Variants in IRS2 observed in about 807,000 individuals in gnomAD.
IRS2 encodes the protein insulin receptor substrate 2.
In IRS2, 28 loss-of-function variants were observed where a neutral mutation model predicts 70.9. That is an observed-to-expected ratio of 0.39 (90% confidence interval 0.29 to 0.54). The LOEUF (loss-of-function observed/expected upper bound fraction) is 0.54, where lower values mean the gene tolerates loss of function less well. Among genes scored for constraint, IRS2 ranks in the 20% least tolerant of loss-of-function variants. The probability of loss-of-function intolerance (pLI) is 0.59; values close to 1 mark genes in which losing one functional copy is unlikely to be tolerated. For missense variants in IRS2, 2,081 were observed against 2,024.1 expected (o/e 1.03, Z -0.54); for synonymous variants, 1,217 against 981.9 (o/e 1.24, Z -4.48).
At chr13:109,761,595 A>C (rs538004754) in intron 1 of IRS2, among the ~76,000 whole-genome samples, 1 of 152,192 alleles carries the variant, frequency 6.6e-6, no homozygotes, top group African/African-American at 2.4e-5. Context: ...ACATGAAAAA[A>C]AAAAAAAGGT....
intron 1 of IRS2, among the ~76,000 whole-genome samples, chr13:109,779,625 A>G (rs1594387629): frequency 6.6e-6 from 1 of 152,160 alleles, no homozygotes; most frequent in African/African-American, 2.4e-5. Context: ...AACTTACTTT[A>G]CTAGAAACCC....
intron 1 of IRS2, among the ~76,000 whole-genome samples, chr13:109,764,803 T>C (rs556749718): frequency 1.3e-5 from 2 of 152,322 alleles, no homozygotes; most frequent in South Asian, 2.1e-4. Flanking sequence ...AAGCAGCAAA[T>C]AAACAACTGC....
intron 1 of IRS2, among the ~76,000 whole-genome samples, chr13:109,774,285 A>T (rs996515931): frequency 4.6e-5 from 7 of 152,214 alleles, no homozygotes; most frequent in African/African-American, 1.7e-4. Context: ...AGTCCCCAGA[A>T]CAGATCCATC....
Position 109,786,048 on chromosome 13 carries a change from C to G in IRS2, c.6G>C (p.Ala2=). ...CGGGCGGCCCGTGCCGCGGCGGGCT[C>G]GCCATCGCGGGCGCTTCAGGCCGCG... M[A]SPPRHGPPGP... The change falls in exon 1 of 2, where the codon GCG becomes GCC. Residue 2 remains alanine, a synonymous_variant. Coordinates refer to ENST00000375856, the MANE Select transcript of IRS2 (RefSeq NM_003749.3). The surrounding 1 kb of genome is among the most constrained non-coding windows in gnomAD (Gnocchi z 4.4). 7.9e-7 allele frequency: 1 copy of G among 1,272,276 alleles called. No homozygotes were observed. The highest frequency in any genetic ancestry group is 9.9e-7 in the Non-Finnish European group (1 of 1,013,590). 78.8% of individuals were successfully genotyped at this position (1,272,276 alleles called of 1,614,324 possible). A position where few individuals can be genotyped will look rare whatever the true frequency, so the allele number is the denominator to read the frequency against.
intron 1 of IRS2, among the ~76,000 whole-genome samples, chr13:109,772,928 C>T (rs1227689470): frequency 6.6e-6 from 1 of 152,020 alleles, no homozygotes; most frequent in African/African-American, 2.4e-5. Flanking sequence ...ATCTCCTGAC[C>T]TCATGATCCA....
In IRS2 at chr13:109,752,905, G is replaced by A. The variant is rs1359746993; in HGVS notation, c.*3399C>T. ...TGATTTTCTTCTTTGTATTCTTGAT[G>A]TATGCATCGGTATGTCTTCTTCTGT... On this transcript the variant is annotated 3_prime_UTR_variant, in exon 2 of 2. Coordinates refer to ENST00000375856, the MANE Select transcript of IRS2 (RefSeq NM_003749.3). The A allele has an allele frequency of 6.6e-6, 1 of 150,770 alleles. No individual in the cohort carries two copies. Among genetic ancestry groups the A allele is most frequent in the East Asian group, 1.9e-4 (1 of 5,148 alleles). The allele number at this position is 150,770 out of a possible 1,614,324, so 9.3% of individuals were successfully genotyped here. A position where few individuals can be genotyped will look rare whatever the true frequency, so the allele number is the denominator to read the frequency against.
At chr13:109,761,660 C>A (rs1374901476) in intron 1 of IRS2, among the ~76,000 whole-genome samples, 2 of 149,988 alleles carry the variant, frequency 1.3e-5, no homozygotes, top group Non-Finnish European at 3.0e-5. Flanking sequence ...GTTACTTGAA[C>A]TTTTCTTTTA....
At position 109,756,171 on chromosome 13, in the gene IRS2, T is replaced by C. The variant is rs1022458701; in HGVS notation, c.*133A>G. 1.3e-6 allele frequency: 1 copy of C among 797,740 alleles called. No homozygotes were observed. Among genetic ancestry groups the C allele is most frequent in the Non-Finnish European group, 2.2e-6 (1 of 454,404 alleles). The allele number at this position is 797,740 out of a possible 1,614,324, so 49.4% of individuals were successfully genotyped here. ...TGCCTCATCTAACAGAGTCCACAGA[T>C]GTTTCCAAACACAGTCATTGCTCAG... On this transcript the variant is annotated 3_prime_UTR_variant, in exon 2 of 2. Coordinates refer to ENST00000375856, the MANE Select transcript of IRS2 (RefSeq NM_003749.3).
At chr13:109,775,425 G>C (rs1220403628) in intron 1 of IRS2, among the ~76,000 whole-genome samples, 2 of 152,058 alleles carry the variant, frequency 1.3e-5, no homozygotes, top group East Asian at 3.9e-4. Context: ...ATCCAAGAAT[G>C]AATCATTCTT....
At chr13:109,760,809 T>C (rs553737659) in intron 1 of IRS2, among the ~76,000 whole-genome samples, 16 of 152,280 alleles carry the variant, frequency 1.1e-4, no homozygotes, top group East Asian at 5.8e-4. Context: ...CTAGAAAACA[T>C]TGTGATTAAG....
chr13:109,785,869 GCCGT>G lies in IRS2; in HGVS notation c.181_184del (p.Thr61ArgfsTer31). 6.6e-7 allele frequency: 1 copy of G among 1,509,604 alleles called. No homozygotes were observed. The highest frequency in any genetic ancestry group is 8.8e-7 in the Non-Finnish European group (1 of 1,133,870). 93.5% of individuals were successfully genotyped at this position (1,509,604 alleles called of 1,614,324 possible). On this transcript the variant is annotated frameshift_variant, in exon 1 of 2. Transcript: ENST00000375856. LOFTEE classifies it high-confidence loss of function. The surrounding 1 kb of genome is among the most constrained non-coding windows in gnomAD (Gnocchi z 9.3). The stretch of plus-strand genomic sequence containing the variant: ...CGGTTGCGGCGCCGACCCCCCGCCC[GCCGT>G]CGCCTCGTCGCCGCCCGCGCCGGGT...
rs967053155 is a variant in IRS2 at position 109,754,936 on chromosome 13, G to A, written c.*1368C>T. On this transcript the variant is annotated 3_prime_UTR_variant, in exon 2 of 2. Transcript: ENST00000375856. ...ATCAGAGAAGATAGGCACTGGGGAA[G>A]CCCCCACGGGAGGAGAGGTCGACAG... 1 of 221,210 alleles carries A rather than the reference G, an allele frequency of 4.5e-6. No individual in the cohort carries two copies. Among genetic ancestry groups the A allele is most frequent in the African/African-American group, 2.2e-5 (1 of 44,636 alleles). The allele number at this position is 221,210 out of a possible 1,614,324, so 13.7% of individuals were successfully genotyped here. A position where few individuals can be genotyped will look rare whatever the true frequency, so the allele number is the denominator to read the frequency against.
At position 109,783,715 on chromosome 13, in the gene IRS2, G is replaced by T. The variant is rs199672355; in HGVS notation, c.2339C>A (p.Pro780Gln). 6.4e-7 allele frequency: 1 copy of T among 1,573,588 alleles called. No individual in the cohort carries two copies. Among genetic ancestry groups the T allele is most frequent in the South Asian group, 1.2e-5 (1 of 86,528 alleles). Residue 780 changes from proline (P) to glutamine (Q), a missense_variant, in exon 1 of 2, where the codon CCG becomes CAG. Physicochemically the swap from Pro to Gln is moderately conservative, Grantham distance 76. Transcript: ENST00000375856. ...CAGGGCTGCGGAGAAGAAGTCGGGCGGGGTGCCCGTGGTGACCGCGTCGCT... is the reference window on the plus strand; with the variant it reads ...CAGGGCTGCGGAGAAGAAGTCGGGCTGGGTGCCCGTGGTGACCGCGTCGCT... Reference protein sequence around the residue: ...SPSDAVTTGTPPDFFSAALHP... With the variant: ...SPSDAVTTGTQPDFFSAALHP...
chr13:109,777,333 T>C (rs1319147386), intron 1 of IRS2, among the ~76,000 whole-genome samples: 1 of 152,172 alleles, frequency 6.6e-6, no homozygotes, highest in African/African-American at 2.4e-5. Flanking sequence ...TAGAACTACG[T>C]TTCTAAAGAA....
chr13:109,783,905 C>G lies in IRS2; in HGVS notation c.2149G>C (p.Gly717Arg). 1.9e-6 allele frequency: 3 copies of G among 1,546,062 alleles called. No individual in the cohort carries two copies. The South Asian group carries it at 3.6e-5, about 18-fold the overall frequency. The change falls in exon 1 of 2, where the codon GGC becomes CGC. Residue 717 changes from glycine to arginine, a missense_variant. Gly to Arg is a moderately radical substitution (Grantham distance 125, BLOSUM62 -2). Transcript: ENST00000375856. Reference sequence around the variant, plus strand: ...CCCCCGCTCGCCGGGAATGTCCTGCCCGCCGCAGAGGTGGGTGCTGGCCCC... The same window carrying G: ...CCCCCGCTCGCCGGGAATGTCCTGCGCGCCGCAGAGGTGGGTGCTGGCCCC... ...PAGPAPTSAA[G>R]RTFPASGGGY...
intron 1 of IRS2, among the ~76,000 whole-genome samples, 193 bp downstream of exon 1, chr13:109,781,849 G>A (rs1877710997): frequency 6.6e-6 from 1 of 152,210 alleles, no homozygotes; most frequent in African/African-American, 2.4e-5. Flanking sequence ...TCAACTCCAA[G>A]ACGAATGTTC....
rs753961472 is a variant in IRS2, at chr13:109,785,547, G to A, written c.507C>T (p.Gly169=). 7 of 1,537,486 alleles carry A rather than the reference G, an allele frequency of 4.6e-6. No homozygotes were observed. In the African/African-American group the frequency reaches 6.9e-5, roughly 15 times the overall value. The change falls in exon 1 of 2, where the codon GGC becomes GGT. Residue 169 remains glycine, a synonymous_variant. Transcript: ENST00000375856. The surrounding 1 kb of genome is among the most constrained non-coding windows in gnomAD (Gnocchi z 9.3). ...CGGCGCCGGCAGAGCCGCCCAGGGC[G>A]CCGGGCAGGGAGGCGCTGCAGGACG... is the stretch of plus-strand genomic sequence containing the variant. ...PAASCSASLP[G]ALGGSAGAAG...
chr13:109,770,133 G>A (rs1302527279), intron 1 of IRS2, among the ~76,000 whole-genome samples: 1 of 152,342 alleles, frequency 6.6e-6, no homozygotes, highest in East Asian at 1.9e-4. Flanking sequence ...ACCATGGAGG[G>A]CAGGGAGGCC....
At chr13:109,760,857 G>A (rs1396017842) in intron 1 of IRS2, among the ~76,000 whole-genome samples, 1 of 152,206 alleles carries the variant, frequency 6.6e-6, no homozygotes, top group African/African-American at 2.4e-5. Flanking sequence ...ATGGAACAAT[G>A]TCCCAACAAT....
Sources: allele counts gnomAD v4.1 joint callset (sites outside exome capture counted in the v4.1 genomes callset), GRCh38; gene constraint gnomAD v4.1.1; non-coding constraint Gnocchi (gnomAD v3.1); transcripts MANE v1.5; gene names NCBI Gene and HGNC (gene_info 2026-07-23, HGNC 2026-07-21).